The following GRAMD2B variants were observed in gnomAD, a reference collection of about 807,000 sequenced individuals.
GRAMD2B encodes GRAM domain containing 2B, also known as GRAM domain-containing protein 2B.
Under a neutral mutation model 59.2 loss-of-function variants are expected in GRAMD2B, and 41 were observed. The ratio of observed to expected loss-of-function variants is 0.69; its 90% CI spans 0.54 to 0.90. GRAMD2B has a LOEUF of 0.90. Among genes scored for constraint, GRAMD2B ranks in the 40% least tolerant of loss-of-function variants. GRAMD2B has a pLI of 0.00. For missense variants in GRAMD2B, 424 were observed against 500.5 expected (o/e 0.85, Z 1.46); for synonymous variants, 161 against 182.7 (o/e 0.88, Z 0.96).
intron 1 of GRAMD2B, among the ~76,000 whole-genome samples, chr5:126,408,120 G>A (rs995013169): frequency 2.6e-5 from 4 of 151,768 alleles, no homozygotes; most frequent in African/African-American, 9.7e-5. Context: ...TGCTCTATTA[G>A]TCCCCAGTGT....
intron 1 of GRAMD2B, among the ~76,000 whole-genome samples, chr5:126,401,356 T>C (rs1309396554): frequency 6.6e-6 from 1 of 152,086 alleles, no homozygotes; most frequent in African/African-American, 2.4e-5. Context: ...TCTGAGTCAG[T>C]AAGTTGTCTA....
chr5:126,443,157 AGCTCAG>A (rs1362542193), intron 1 of GRAMD2B, among the ~76,000 whole-genome samples: 16 of 152,202 alleles, frequency 1.1e-4, no homozygotes, highest in Non-Finnish European at 2.9e-5. Flanking sequence ...GTTGACACTC[AGCTCAG>A]TAGTCCCAAG....
At chr5:126,363,900 T>C (rs1357937057) in intron 1 of GRAMD2B, among the ~76,000 whole-genome samples, 2 of 152,108 alleles carry the variant, frequency 1.3e-5, no homozygotes, top group African/African-American at 4.8e-5. Flanking sequence ...AATTAGATGG[T>C]GGTGATGGTT....
chr5:126,413,772 G>C (rs140867979), intron 1 of GRAMD2B, among the ~76,000 whole-genome samples: 15 of 151,868 alleles, frequency 9.9e-5, no homozygotes, highest in South Asian at 2.1e-4. Flanking sequence ...TATGAATCTG[G>C]GTGCTCCAAT....
chr5:126,470,962 G>A (rs940480200), intron 3 of GRAMD2B, among the ~76,000 whole-genome samples: 2 of 152,204 alleles, frequency 1.3e-5, no homozygotes, highest in Middle Eastern at 6.8e-3. Context: ...TAAATCAAGC[G>A]TGCAACCACT....
At chr5:126,489,009 G>A (rs890184585) in intron 13 of GRAMD2B, 117 bp downstream of exon 13, 1 of 607,270 alleles carries the variant, frequency 1.6e-6, no homozygotes, top group East Asian at 2.9e-5. Flanking sequence ...AAACCTACAT[G>A]ATCAACCCTG....
In GRAMD2B at chr5:126,394,090, C is replaced by A. The variant is rs1029708300; in HGVS notation, c.125+22523C>A. Reference sequence around the variant, plus strand: ...GAGATCGAGACCATCCTGGCCAACACGGTGAAACCCTGTCTCTACTAAAAA... The same window carrying A: ...GAGATCGAGACCATCCTGGCCAACAAGGTGAAACCCTGTCTCTACTAAAAA... On this transcript the variant is annotated intron_variant, in intron 1 of 8. Coordinates refer to the GRAMD2B transcript ENST00000506445. Among the ~76,000 whole-genome samples the A allele has an allele frequency of 2.0e-5, 3 of 151,812 alleles. No homozygotes were observed. In the East Asian group the frequency reaches 5.9e-4, roughly 30 times the overall value.
chr5:126,484,583 AC>A, intron 10 of GRAMD2B, 59 bp downstream of exon 10: 1 of 1,498,308 alleles, frequency 6.7e-7, no homozygotes, highest in Non-Finnish European at 8.9e-7. Context: ...TCTGTTTGTA[AC>A]TTTTTTTTTT....
At chr5:126,371,440 A>C (rs1222652573) in exon 1 of GRAMD2B, 2 of 1,287,354 alleles carry the variant, frequency 1.6e-6, no homozygotes, top group Non-Finnish European at 2.0e-6. Flanking sequence ...CAATAAGCGC[A>C]CAATGGTGAA....
intron 5 of GRAMD2B, among the ~76,000 whole-genome samples, chr5:126,474,995 A>G (rs1475237719): frequency 3.9e-5 from 6 of 152,210 alleles, no homozygotes; most frequent in Non-Finnish European, 5.9e-5. Flanking sequence ...CCTCACTGCC[A>G]ATGGACCTCA....
chr5:126,480,330 A>G, intron 6 of GRAMD2B, 126 bp from the exon 7 acceptor site: 2 of 619,566 alleles, frequency 3.2e-6, no homozygotes, highest in Admixed American at 2.9e-5. Context: ...GAATGAGAAT[A>G]TAGATCAAAG....
At chr5:126,417,902 C>T (rs1759396422) in intron 1 of GRAMD2B, among the ~76,000 whole-genome samples, 1 of 152,162 alleles carries the variant, frequency 6.6e-6, no homozygotes, top group African/African-American at 2.4e-5. Context: ...CATGAGACGA[C>T]TGTAATTTTG....
intron 1 of GRAMD2B, among the ~76,000 whole-genome samples, chr5:126,429,193 A>T (rs1218711158): frequency 1.3e-5 from 2 of 152,214 alleles, no homozygotes; most frequent in Non-Finnish European, 2.9e-5. Flanking sequence ...TACACCATGG[A>T]ATACTATCCA....
chr5:126,434,673 A>G (rs1762130543), intron 1 of GRAMD2B, among the ~76,000 whole-genome samples: 1 of 151,844 alleles, frequency 6.6e-6, no homozygotes, highest in South Asian at 2.1e-4. Flanking sequence ...GCCCGCCACC[A>G]CGCCCGGCTA....
At chr5:126,463,985 G>A (rs4461628) in intron 1 of GRAMD2B, among the ~76,000 whole-genome samples, 45,192 of 151,358 alleles carry the variant, frequency 0.3, 7,150 homozygotes, top group East Asian at 0.59. Context: ...CCGAGATCGT[G>A]CCACTGCACT....
chr5:126,375,430 G>A lies in GRAMD2B; in HGVS notation c.125+3863G>A, dbSNP rs571320785. On this transcript the variant is annotated intron_variant, in intron 1 of 8. Coordinates refer to the GRAMD2B transcript ENST00000506445. ...GTCACCCAGGCTGGAGTGCAGTGGC[G>A]CGATCTCGGCTCACTGCAAGCTCTG... is the stretch of plus-strand genomic sequence containing the variant. 8.2e-4 allele frequency among the ~76,000 whole-genome samples: 124 copies of A among 151,492 alleles called. 1 individual carries two copies. The highest frequency in any genetic ancestry group is 2.5e-3 in the African/African-American group (105 of 41,256).
rs149579204 is a variant in GRAMD2B, at chr5:126,468,677, G to A, written c.204-1000G>A. On this transcript the variant is annotated intron_variant, in intron 2 of 13. Transcript: ENST00000285689. ...TAATTTTTGTATTTTTAATAGAGAT[G>A]GGATTTCGCTATGTTGGCCAGGCCG... Among the ~76,000 whole-genome samples the A allele has an allele frequency of 3.5e-3, 534 of 151,986 alleles. 4 individuals are homozygous for A. The highest frequency in any genetic ancestry group is 0.012 in the African/African-American group (506 of 41,468).
chr5:126,391,762 G>T (rs10037420), intron 1 of GRAMD2B, among the ~76,000 whole-genome samples: 13,770 of 152,204 alleles, frequency 0.09, 711 homozygotes, highest in South Asian at 0.22. Context: ...GAATGATGGG[G>T]ATTGATTACT....
At chr5:126,458,292 A>G (rs1415644298) in intron 1 of GRAMD2B, among the ~76,000 whole-genome samples, 5 of 152,048 alleles carry the variant, frequency 3.3e-5, no homozygotes, top group Non-Finnish European at 5.9e-5. Context: ...AAAATTAGCC[A>G]GGCATGGTGT....
Sources: gnomAD v4.1 joint callset for allele counts (sites outside exome capture counted in the v4.1 genomes callset) on GRCh38, gnomAD v4.1.1 for gene constraint, MANE v1.5 for transcripts, NCBI Gene and HGNC (gene_info 2026-07-23, HGNC 2026-07-21) for gene names.